The following MBD5 variants were observed in gnomAD, a reference collection of about 807,000 sequenced individuals.
The protein encoded by MBD5 is methyl-CpG-binding domain protein 5.
Under a neutral mutation model 117.3 loss-of-function variants are expected in MBD5, and 13 were observed. That is an observed-to-expected ratio of 0.11 (90% confidence interval 0.07 to 0.18). The LOEUF (loss-of-function observed/expected upper bound fraction) is 0.18, where lower values mean the gene tolerates loss of function less well. MBD5 is among the 10% of genes least tolerant of loss of function. MBD5 has a pLI of 1.00. For synonymous variants in MBD5, 727 were observed against 766.4 expected (o/e 0.95, Z 0.85); for missense variants, 1,879 against 2,093.8 (o/e 0.90, Z 2.00).
rs201330874 is a variant in MBD5 at position 148,087,603 on chromosome 2, C to G, written c.-925+65919C>G. Among the ~76,000 whole-genome samples, 12 of 152,154 alleles carry G rather than the reference C, an allele frequency of 7.9e-5. No individual in the cohort carries two copies. In the East Asian group the frequency reaches 2.3e-3, roughly 29 times the overall value. ...TGGTAGCCCCATTCAGTGGCTAGACCCGGAAGAGTGATAACAATCACTGTA... is the reference window on the plus strand; with the variant it reads ...TGGTAGCCCCATTCAGTGGCTAGACGCGGAAGAGTGATAACAATCACTGTA... On this transcript the variant is annotated intron_variant, in intron 1 of 13. Transcript: ENST00000642680.
At chr2:148,163,562 T>C (rs1698059019) in intron 1 of MBD5, among the ~76,000 whole-genome samples, 1 of 152,046 alleles carries the variant, frequency 6.6e-6, no homozygotes, top group Non-Finnish European at 1.5e-5. Context: ...ATTACAGGCA[T>C]GTGACACCAC....
rs1161491392 is a variant in MBD5, at chr2:148,458,857, A to G, written c.99A>G (p.Gly33=). ...VGWQRRVDQN[G]VLYVSPSGSL... The stretch of plus-strand genomic sequence containing the variant: ...GGCAGCGTCGTGTGGATCAAAATGG[A>G]GTGCTTTATGTCAGGTAAGTTCTTA... The change falls in exon 5 of 14, where the codon GGA becomes GGG. Residue 33 remains glycine (G), a synonymous_variant. Transcript: ENST00000642680. The G allele has an allele frequency of 6.2e-7, 1 of 1,612,486 alleles. No homozygotes were observed. The highest frequency in any genetic ancestry group is 1.1e-5 in the South Asian group (1 of 91,026).
chr2:148,493,168 A>G (rs1296494176), intron 11 of MBD5, among the ~76,000 whole-genome samples: 4 of 152,234 alleles, frequency 2.6e-5, no homozygotes, highest in Non-Finnish European at 4.4e-5. Flanking sequence ...GCTAATGTGC[A>G]ATGTGGGATC....
chr2:148,387,560 G>C (rs577605261), intron 4 of MBD5, among the ~76,000 whole-genome samples: 1 of 152,124 alleles, frequency 6.6e-6, no homozygotes, highest in Non-Finnish European at 1.5e-5. Context: ...CAAAGTATAA[G>C]CATTAAAAAG....
chr2:148,093,378 T>G (rs1307927721), intron 1 of MBD5, among the ~76,000 whole-genome samples: 1 of 152,218 alleles, frequency 6.6e-6, no homozygotes, highest in Non-Finnish European at 1.5e-5. Flanking sequence ...GAATGTTATT[T>G]GTATTATCAG....
intron 3 of MBD5, among the ~76,000 whole-genome samples, chr2:148,274,642 T>A (rs1463185017): frequency 2.0e-5 from 3 of 151,124 alleles, no homozygotes; most frequent in Non-Finnish European, 4.5e-5. Flanking sequence ...CTTAGTGTCT[T>A]TGGAAATGAA....
At chr2:148,057,446 T>C (rs933570728) in intron 1 of MBD5, among the ~76,000 whole-genome samples, 3 of 151,416 alleles carry the variant, frequency 2.0e-5, no homozygotes, top group Admixed American at 6.6e-5. Context: ...CTAATTTCTA[T>C]TGTGATTTTT....
At chr2:148,440,810 CA>C (rs1245572137) in intron 4 of MBD5, among the ~76,000 whole-genome samples, 17 of 152,236 alleles carry the variant, frequency 1.1e-4, no homozygotes, top group African/African-American at 3.9e-4. Flanking sequence ...GGCAGGATAA[CA>C]AAAGGTTACT....
At chr2:148,377,816 T>A (rs879876191) in intron 4 of MBD5, among the ~76,000 whole-genome samples, 1 of 152,168 alleles carries the variant, frequency 6.6e-6, no homozygotes, top group Non-Finnish European at 1.5e-5. Flanking sequence ...TCCTCGACAA[T>A]AGAAACCTAC....
chr2:148,180,629 C>A (rs1355452530), intron 2 of MBD5, among the ~76,000 whole-genome samples: 6 of 151,982 alleles, frequency 3.9e-5, no homozygotes, highest in African/African-American at 1.4e-4. Context: ...CTCCTAGGCT[C>A]AAGCCATCTT....
chr2:148,117,812 C>T (rs1696676757), intron 1 of MBD5, among the ~76,000 whole-genome samples: 1 of 152,132 alleles, frequency 6.6e-6, no homozygotes, highest in South Asian at 2.1e-4. Context: ...ATATTATTAT[C>T]CCCATTTTGC....
chr2:148,477,677 A>G (rs1343766950), intron 8 of MBD5, among the ~76,000 whole-genome samples: 1 of 152,198 alleles, frequency 6.6e-6, no homozygotes, highest in African/African-American at 2.4e-5. Flanking sequence ...AATTATATTT[A>G]TTAGACTCAC....
At chr2:148,336,185 G>A (rs931944451) in intron 3 of MBD5, among the ~76,000 whole-genome samples, 1 of 152,088 alleles carries the variant, frequency 6.6e-6, no homozygotes, top group Admixed American at 6.6e-5. Flanking sequence ...TTTAAGTTTT[G>A]TAGTTATTGA....
intron 2 of MBD5, among the ~76,000 whole-genome samples, chr2:148,180,783 GC>G (rs149967971): frequency 0.053 from 8,018 of 152,060 alleles, 240 homozygotes; most frequent in African/African-American, 0.078. Flanking sequence ...ACTGGTTCAT[GC>G]AAAGCACTTC....
intron 3 of MBD5, among the ~76,000 whole-genome samples, chr2:148,308,794 A>G (rs148849478): frequency 0.016 from 2,424 of 152,182 alleles, 77 homozygotes; most frequent in Admixed American, 0.08. Flanking sequence ...TAGGTCTTAC[A>G]TATAAGTCTT....
chr2:148,168,852 C>G (rs1343582913), intron 1 of MBD5, among the ~76,000 whole-genome samples: 2 of 151,808 alleles, frequency 1.3e-5, no homozygotes, highest in Non-Finnish European at 2.9e-5. Flanking sequence ...CATAAACATA[C>G]TAGTCATAAA....
At chr2:148,115,614 A>G (rs1419204329) in intron 1 of MBD5, among the ~76,000 whole-genome samples, 1 of 152,052 alleles carries the variant, frequency 6.6e-6, no homozygotes, top group Non-Finnish European at 1.5e-5. Context: ...TTTATTGATT[A>G]TAGGAGAATT....
intron 13 of MBD5, 123 bp downstream of exon 13, chr2:148,510,258 G>GAA: frequency 1.5e-6 from 1 of 673,110 alleles, no homozygotes. Context: ...TACTAGCCTA[G>GAA]AAAAAAAAGA....
At chr2:148,144,556 T>C (rs1192625766) in intron 1 of MBD5, among the ~76,000 whole-genome samples, 4 of 152,254 alleles carry the variant, frequency 2.6e-5, no homozygotes, top group Non-Finnish European at 5.9e-5. Flanking sequence ...GCCTAGGTTT[T>C]CTTCTAGGGT....
Sources: allele counts gnomAD v4.1 joint callset (sites outside exome capture counted in the v4.1 genomes callset), GRCh38; gene constraint gnomAD v4.1.1; transcripts MANE v1.5; gene names NCBI Gene and HGNC (gene_info 2026-07-23, HGNC 2026-07-21).